Variants in COL23A1 observed in about 807,000 individuals in gnomAD.
The protein encoded by COL23A1 is collagen type XXIII alpha 1 chain, also known as collagen alpha-1(XXIII) chain.
A neutral mutation model predicts 99.3 loss-of-function variants in COL23A1; 97 were observed. The observed-to-expected ratio is 0.98, with a 90% CI of 0.83 to 1.16. The LOEUF (loss-of-function observed/expected upper bound fraction) is 1.16, where lower values mean the gene tolerates loss of function less well. Ranked by LOEUF, COL23A1 falls within the 50% of genes most tolerant of loss-of-function variation. The pLI is 0.00. For missense variants in COL23A1, 762 were observed against 757.4 expected, an observed-to-expected ratio of 1.01 and a Z score of -0.07; for synonymous variants, 320 against 308.2, an observed-to-expected ratio of 1.04 and a Z score of -0.40.
At chr5:178,272,379 C>A (rs13436574) in intron 5 of COL23A1, among the ~76,000 whole-genome samples, 2,557 of 152,304 alleles carry the variant, frequency 0.017, 63 homozygotes, top group African/African-American at 0.058. Context: ...GTGGGGCTCG[C>A]GGCCAGGGCC....
intron 2 of COL23A1, among the ~76,000 whole-genome samples, chr5:178,455,914 C>T (rs1767765180): frequency 1.3e-5 from 2 of 151,888 alleles, no homozygotes; most frequent in South Asian, 2.1e-4. Context: ...AGGTGTATTT[C>T]GAAGAATAAA....
rs1385600191 is a variant in COL23A1 at position 178,256,358 on chromosome 5, G to T, written c.877C>A (p.Pro293Thr). 1.2e-6 allele frequency: 2 copies of T among 1,603,378 alleles called. No homozygotes were observed. Among genetic ancestry groups the T allele is most frequent in the Non-Finnish European group, 1.7e-6 (2 of 1,173,926 alleles). Reference protein sequence around the residue: ...GHRGTDGAAGPRGAPGLKGEQ... With the variant: ...GHRGTDGAAGTRGAPGLKGEQ... ...CCTGAGGGGCGGCAGCTTACCCGGG[G>T]CCCTGCAGCTCCATCCGTGCCTCGG... is the stretch of plus-strand genomic sequence containing the variant. The change falls in exon 15 of 29, where the codon CCC becomes ACC. Residue 293 changes from proline (P) to threonine (T), a missense_variant. Pro to Thr is a conservative substitution (Grantham distance 38). Coordinates refer to ENST00000390654, the MANE Select transcript of COL23A1 (RefSeq NM_173465.4).
At chr5:178,467,366 G>T (rs936610405) in intron 2 of COL23A1, among the ~76,000 whole-genome samples, 1 of 152,212 alleles carries the variant, frequency 6.6e-6, no homozygotes, top group Non-Finnish European at 1.5e-5. Context: ...AGTGACAAAC[G>T]CTCCCTGACT....
intron 2 of COL23A1, among the ~76,000 whole-genome samples, chr5:178,376,672 C>T (rs896806873): frequency 6.6e-6 from 1 of 152,242 alleles, no homozygotes; most frequent in Non-Finnish European, 1.5e-5. Context: ...GGTGAGGGAA[C>T]ATGCCCAAGG....
At chr5:178,406,439 T>TC (rs1461077157) in intron 2 of COL23A1, among the ~76,000 whole-genome samples, 3 of 151,738 alleles carry the variant, frequency 2.0e-5, no homozygotes, top group Admixed American at 1.3e-4. Context: ...TTTTTTTTTT[T>TC]TTTTTCTTGA....
intron 2 of COL23A1, among the ~76,000 whole-genome samples, chr5:178,429,279 C>G (rs1766123553): frequency 6.6e-6 from 1 of 152,136 alleles, no homozygotes; most frequent in Non-Finnish European, 1.5e-5. Context: ...AGCCCAGCAC[C>G]CCACACCACA....
intron 3 of COL23A1, among the ~76,000 whole-genome samples, chr5:178,293,330 C>A (rs1337579784): frequency 1.3e-5 from 2 of 151,988 alleles, no homozygotes; most frequent in Admixed American, 6.6e-5. Context: ...GACAGTCCAT[C>A]TGTGGAGATG....
At chr5:178,401,806 C>T (rs1313236621) in intron 2 of COL23A1, among the ~76,000 whole-genome samples, 3 of 152,254 alleles carry the variant, frequency 2.0e-5, no homozygotes, top group Admixed American at 6.5e-5. Context: ...CTTGGTATTG[C>T]TAATTGCCTT....
chr5:178,277,821 T>G (rs1284384129), intron 5 of COL23A1, among the ~76,000 whole-genome samples: 1 of 152,080 alleles, frequency 6.6e-6, no homozygotes, highest in Non-Finnish European at 1.5e-5. Flanking sequence ...CCATGACTGG[T>G]GGGGAGAGAC....
At chr5:178,535,671 A>G (rs543774) in intron 2 of COL23A1, among the ~76,000 whole-genome samples, 76,795 of 152,132 alleles carry the variant, frequency 0.5, 19,799 homozygotes, top group Non-Finnish European at 0.57. Flanking sequence ...GTGGGACGTG[A>G]CTCCAGGAGC....
chr5:178,376,237 C>T (rs1030554793), intron 2 of COL23A1, among the ~76,000 whole-genome samples: 9 of 152,364 alleles, frequency 5.9e-5, no homozygotes, highest in African/African-American at 1.2e-4. Flanking sequence ...CCTTGCTAAA[C>T]GGGCATGCCA....
chr5:178,419,100 C>T (rs1179355517), intron 2 of COL23A1, among the ~76,000 whole-genome samples: 1 of 152,208 alleles, frequency 6.6e-6, no homozygotes, highest in African/African-American at 2.4e-5. Context: ...TCCACCCAGG[C>T]GTTGGCACTC....
chr5:178,314,699 A>G (rs572483047), intron 2 of COL23A1, among the ~76,000 whole-genome samples: 11 of 152,292 alleles, frequency 7.2e-5, no homozygotes, highest in African/African-American at 1.9e-4. Flanking sequence ...CTTGGCCCCA[A>G]TCTCGAGTCT....
In COL23A1 at chr5:178,296,954, C is replaced by T. The variant is rs139280912; in HGVS notation, c.407-6585G>A. On this transcript the variant is annotated intron_variant, in intron 3 of 28. Coordinates refer to ENST00000390654, the MANE Select transcript of COL23A1 (RefSeq NM_173465.4). The stretch of plus-strand genomic sequence containing the variant: ...CACCCAACTCCACCAGCCAGAGGGG[C>T]GTTTACAAAATGCCCAACCCCTTTC... Among the ~76,000 whole-genome samples, 337 of 152,328 alleles carry T rather than the reference C, an allele frequency of 2.2e-3. 3 individuals are homozygous for T. Among genetic ancestry groups the T allele is most frequent in the African/African-American group, 7.6e-3 (318 of 41,570 alleles).
intron 5 of COL23A1, among the ~76,000 whole-genome samples, chr5:178,270,647 G>A (rs1216564401): frequency 1.3e-5 from 2 of 152,226 alleles, no homozygotes; most frequent in African/African-American, 2.4e-5. Flanking sequence ...GCATGTGACC[G>A]CATTCCCTCC....
intron 25 of COL23A1, among the ~76,000 whole-genome samples, chr5:178,245,204 CTCA>C (rs762047721): frequency 1.6e-4 from 23 of 148,062 alleles, no homozygotes; most frequent in Admixed American, 3.4e-4. Flanking sequence ...CATCCATTCA[CTCA>C]TCATCTATCA....
chr5:178,467,725 T>C (rs1200493425), intron 2 of COL23A1, among the ~76,000 whole-genome samples: 1 of 152,202 alleles, frequency 6.6e-6, no homozygotes, highest in Non-Finnish European at 1.5e-5. Context: ...TTCTTTTTAA[T>C]TGACTCATTT....
intron 5 of COL23A1, among the ~76,000 whole-genome samples, chr5:178,288,006 G>C (rs925563192): frequency 5.3e-5 from 8 of 152,222 alleles, no homozygotes; most frequent in African/African-American, 9.6e-5. Flanking sequence ...AAGAGGCCCA[G>C]CCCTCCAGTG....
chr5:178,355,563 T>A (rs11952074), intron 2 of COL23A1, among the ~76,000 whole-genome samples: 1 of 152,208 alleles, frequency 6.6e-6, no homozygotes, highest in Admixed American at 6.5e-5. Context: ...GACAGAGTCT[T>A]GCTCTGTTGC....
Sources: gnomAD v4.1 joint callset for allele counts (sites outside exome capture counted in the v4.1 genomes callset) on GRCh38, gnomAD v4.1.1 for gene constraint, MANE v1.5 for transcripts, NCBI Gene and HGNC (gene_info 2026-07-23, HGNC 2026-07-21) for gene names.